Variants in CSMD1 observed in about 807,000 individuals in gnomAD.
CSMD1 encodes CUB and Sushi multiple domains 1.
CSMD1 carries 213 observed loss-of-function variants against 417.5 expected under a neutral mutation model. That is an observed-to-expected ratio of 0.51 (90% confidence interval 0.46 to 0.57). The LOEUF (loss-of-function observed/expected upper bound fraction) is 0.57. Ranked by LOEUF, CSMD1 falls within the 20% of genes least tolerant of loss-of-function variation. The pLI is 0.00. For synonymous variants in CSMD1, 2,862 were observed against 1,736.8 expected, an observed-to-expected ratio of 1.65 and a Z score of -16.11; for missense variants, 6,923 against 4,529.7, an observed-to-expected ratio of 1.53 and a Z score of -15.17.
rs1176150731 is a variant in CSMD1, at chr8:3,144,565, G to C, written c.6032-1891C>G. ...GGTACTACATCGCCAGTCAAGAAAG[G>C]ACCTGTGATGGTCTTGGCCATTCTA... On this transcript the variant is annotated intron_variant, in intron 40 of 69. Coordinates refer to ENST00000635120, the MANE Select transcript of CSMD1 (RefSeq NM_033225.6). Among the ~76,000 whole-genome samples, 13 of 151,978 alleles carry C rather than the reference G, an allele frequency of 8.6e-5. No homozygotes were observed. In the East Asian group the frequency reaches 1.7e-3, roughly 20 times the overall value.
At chr8:3,581,364 T>C (rs1411207115) in intron 9 of CSMD1, among the ~76,000 whole-genome samples, 1 of 152,188 alleles carries the variant, frequency 6.6e-6, no homozygotes, top group African/African-American at 2.4e-5. Context: ...AAATCACTTG[T>C]ATAATTACTG....
chr8:4,175,731 C>G (rs1798003323), intron 3 of CSMD1, among the ~76,000 whole-genome samples: 1 of 151,890 alleles, frequency 6.6e-6, no homozygotes, highest in East Asian at 1.9e-4. Flanking sequence ...AGAATGTTGC[C>G]TAGAAAAATA....
chr8:3,698,450 C>T (rs1053719908), intron 7 of CSMD1, among the ~76,000 whole-genome samples: 1 of 152,142 alleles, frequency 6.6e-6, no homozygotes, highest in East Asian at 1.9e-4. Flanking sequence ...GTTAATGGCG[C>T]TATTATTTTT....
chr8:3,707,148 A>G (rs1045482217), intron 7 of CSMD1, among the ~76,000 whole-genome samples: 3 of 152,214 alleles, frequency 2.0e-5, no homozygotes, highest in Non-Finnish European at 4.4e-5. Context: ...TTATTGTCAC[A>G]CAAGCAATTG....
chr8:4,389,875 A>T (rs1422814705), intron 3 of CSMD1, among the ~76,000 whole-genome samples: 1 of 152,176 alleles, frequency 6.6e-6, no homozygotes, highest in Non-Finnish European at 1.5e-5. Context: ...CTCCCGCCCT[A>T]CTAACAAACA....
chr8:3,338,192 T>C (rs1232235473), intron 23 of CSMD1, among the ~76,000 whole-genome samples: 2 of 152,118 alleles, frequency 1.3e-5, no homozygotes, highest in Non-Finnish European at 2.9e-5. Flanking sequence ...CTGAATCCAG[T>C]TGTTGAACCA....
chr8:4,662,351 T>A (rs996609262), intron 1 of CSMD1, among the ~76,000 whole-genome samples: 2 of 152,196 alleles, frequency 1.3e-5, no homozygotes, highest in Non-Finnish European at 2.9e-5. Flanking sequence ...GGGGGCGATT[T>A]ATAGGAACAT....
chr8:4,074,621 G>A (rs924300566), intron 3 of CSMD1, among the ~76,000 whole-genome samples: 1 of 151,826 alleles, frequency 6.6e-6, no homozygotes, highest in Non-Finnish European at 1.5e-5. Flanking sequence ...CCTACATTTG[G>A]GCAGAACTCA....
At chr8:3,873,381 A>C (rs1308323888) in intron 5 of CSMD1, among the ~76,000 whole-genome samples, 1 of 152,216 alleles carries the variant, frequency 6.6e-6, no homozygotes, top group East Asian at 1.9e-4. Flanking sequence ...ACATAAAAAA[A>C]AATGAGATCA....
At chr8:4,448,946 T>C (rs1168067949) in intron 2 of CSMD1, among the ~76,000 whole-genome samples, 1 of 152,222 alleles carries the variant, frequency 6.6e-6, no homozygotes, top group Non-Finnish European at 1.5e-5. Flanking sequence ...AAATTACCAG[T>C]GTACCTGTTT....
chr8:3,707,408 C>T (rs904627051), intron 7 of CSMD1, among the ~76,000 whole-genome samples: 23 of 152,278 alleles, frequency 1.5e-4, no homozygotes, highest in African/African-American at 5.3e-4. Context: ...GGGACAGGCG[C>T]ACCCACAGAG....
intron 22 of CSMD1, among the ~76,000 whole-genome samples, chr8:3,347,711 G>A (rs933174474): frequency 2.0e-5 from 3 of 152,130 alleles, no homozygotes; most frequent in African/African-American, 7.2e-5. Flanking sequence ...TTACACATAA[G>A]GAAGCTGAAG....
rs368601973 is a variant in CSMD1, at chr8:3,179,052, A to C, written c.5725+2058T>G. Among the ~76,000 whole-genome samples, 380 of 148,778 alleles carry C rather than the reference A, an allele frequency of 2.6e-3. 4 individuals carry two copies. Among genetic ancestry groups the C allele is most frequent in the African/African-American group, 9.0e-3 (362 of 40,146 alleles). ...AAGCTCTGCCTCCCGGGTTCACGCC[A>C]TTCTCCTGCCTCAGCCTCCTGAGCA... On this transcript the variant is annotated intron_variant, in intron 37 of 69. Transcript: ENST00000635120.
chr8:3,056,366 G>GT (rs771389200), intron 49 of CSMD1, among the ~76,000 whole-genome samples: 2 of 152,054 alleles, frequency 1.3e-5, no homozygotes, highest in East Asian at 1.9e-4. Flanking sequence ...ACGTTTCTCT[G>GT]TTTTTTTCTT....
intron 1 of CSMD1, among the ~76,000 whole-genome samples, chr8:4,803,364 A>G (rs978736442): frequency 1.3e-5 from 2 of 152,202 alleles, no homozygotes; most frequent in African/African-American, 2.4e-5. Flanking sequence ...TTCAGTTACT[A>G]TTAACTACCA....
In CSMD1 at chr8:3,553,816, T is replaced by G. The variant is rs75465359; in HGVS notation, c.1344+21129A>C. Reference sequence around the variant, plus strand: ...TAGGCAAATAATTTCACAGAATATTTATAATATTTGTATCACTCTTGAAAA... The same window carrying G: ...TAGGCAAATAATTTCACAGAATATTGATAATATTTGTATCACTCTTGAAAA... On this transcript the variant is annotated intron_variant, in intron 10 of 69. Transcript: ENST00000635120. Among the ~76,000 whole-genome samples the G allele has an allele frequency of 3.5e-3, 529 of 152,326 alleles. 4 individuals are homozygous for G. Among genetic ancestry groups the G allele is most frequent in the African/African-American group, 0.012 (496 of 41,574 alleles).
At chr8:3,583,325 G>C (rs573491865) in intron 9 of CSMD1, among the ~76,000 whole-genome samples, 1 of 151,962 alleles carries the variant, frequency 6.6e-6, no homozygotes, top group East Asian at 2.0e-4. Context: ...CGGGTTGTGG[G>C]TCAGAGCTGC....
chr8:3,274,694 G>T (rs538987024), intron 26 of CSMD1, among the ~76,000 whole-genome samples: 1 of 152,142 alleles, frequency 6.6e-6, no homozygotes, highest in African/African-American at 2.4e-5. Context: ...GGCCTTCTTT[G>T]TCTCTTTTGA....
At chr8:4,934,771 G>C (rs116911089) in intron 1 of CSMD1, among the ~76,000 whole-genome samples, 2,910 of 151,588 alleles carry the variant, frequency 0.019, 36 homozygotes, top group Non-Finnish European at 0.029. Flanking sequence ...CTATACTATA[G>C]GTATCATCTA....
Sources: allele counts gnomAD v4.1 joint callset (sites outside exome capture counted in the v4.1 genomes callset), GRCh38; gene constraint gnomAD v4.1.1; transcripts MANE v1.5; gene names NCBI Gene and HGNC (gene_info 2026-07-23, HGNC 2026-07-21).